The following NCS1 variants were observed in gnomAD, a reference collection of about 807,000 sequenced individuals.
The protein encoded by NCS1 is neuronal calcium sensor 1.
A neutral mutation model predicts 28.4 loss-of-function variants in NCS1; 6 were observed. The observed-to-expected ratio is 0.21, with a 90% CI of 0.12 to 0.42. The LOEUF is 0.42. Ranked by LOEUF, NCS1 falls within the 10% of genes least tolerant of loss-of-function variation. The probability of loss-of-function intolerance (pLI) is 1.00; values close to 1 mark genes in which losing one functional copy is unlikely to be tolerated. For missense variants in NCS1, 131 were observed against 241.4 expected, an observed-to-expected ratio of 0.54 and a Z score of 3.03; for synonymous variants, 86 against 99.3, an observed-to-expected ratio of 0.87 and a Z score of 0.79.
intron 1 of NCS1, among the ~76,000 whole-genome samples, chr9:130,190,914 G>C (rs569434277): frequency 6.6e-6 from 1 of 152,302 alleles, no homozygotes; most frequent in South Asian, 2.1e-4. Context: ...GGGAAACGGG[G>C]CTTTGATTTT....
At position 130,233,537 on chromosome 9, in the gene NCS1, T is replaced by A. The variant is rs931626131; in HGVS notation, c.*565T>A. ...TCTTTTGGCAGCAAAACCACCTGCG[T>A]GGCTAGGATGATTAATTATGAGGAT... On this transcript the variant is annotated 3_prime_UTR_variant, in exon 8 of 8. Coordinates refer to ENST00000372398, the MANE Select transcript of NCS1 (RefSeq NM_014286.4). The surrounding 1 kb of genome is among the most constrained non-coding windows in gnomAD (Gnocchi z 4.8). 6.6e-6 allele frequency: 1 copy of A among 152,570 alleles called. No homozygotes were observed. 9.5% of individuals were successfully genotyped at this position (152,570 alleles called of 1,614,324 possible).
intron 1 of NCS1, among the ~76,000 whole-genome samples, chr9:130,196,142 G>T (rs1832875819): frequency 6.6e-6 from 1 of 152,188 alleles, no homozygotes; most frequent in South Asian, 2.1e-4. Context: ...GCCTGTCTTG[G>T]CGGGAACTGC....
intron 1 of NCS1, among the ~76,000 whole-genome samples, chr9:130,173,233 C>T (rs899789869): frequency 2.0e-5 from 3 of 151,520 alleles, no homozygotes; most frequent in African/African-American, 7.3e-5. Context: ...GCACAGCGCT[C>T]GTCGTGCGGT....
intron 1 of NCS1, among the ~76,000 whole-genome samples, chr9:130,195,581 A>T (rs782375612): frequency 1.4e-4 from 22 of 152,062 alleles, no homozygotes; most frequent in Non-Finnish European, 3.1e-4. Context: ...GCGCCACCAC[A>T]CCCGGCTAAT....
chr9:130,227,797 C>A (rs919017358), intron 7 of NCS1, among the ~76,000 whole-genome samples: 1 of 152,332 alleles, frequency 6.6e-6, no homozygotes, highest in Admixed American at 6.5e-5. Context: ...CACAGTTAAG[C>A]TGGGTGCCTC....
In NCS1 at chr9:130,191,208, G is replaced by A. The variant is rs1273110207; in HGVS notation, c.65-9750G>A. Among the ~76,000 whole-genome samples the A allele has an allele frequency of 1.3e-5, 2 of 152,194 alleles. No homozygotes were observed. Among genetic ancestry groups the A allele is most frequent in the Non-Finnish European group, 2.9e-5 (2 of 68,026 alleles). On this transcript the variant is annotated intron_variant, in intron 1 of 7. Coordinates refer to ENST00000372398, the MANE Select transcript of NCS1 (RefSeq NM_014286.4). This position sits in a 1 kb window ranked among gnomAD's most constrained non-coding sequence, Gnocchi z 6.4. Reference sequence around the variant, plus strand: ...AGACCCATCTGTGCAAAGGCCCTGGGTGATCCCTGCTGGACTGTGTGTCCC... The same window carrying A: ...AGACCCATCTGTGCAAAGGCCCTGGATGATCCCTGCTGGACTGTGTGTCCC...
intron 1 of NCS1, chr9:130,200,528 C>T: frequency 5.2e-6 from 8 of 1,547,774 alleles, no homozygotes; most frequent in South Asian, 3.6e-5. Flanking sequence ...CCCCACCCCC[C>T]CACATAGGTG....
chr9:130,187,983 G>A (rs1832762496), intron 1 of NCS1, among the ~76,000 whole-genome samples: 1 of 152,176 alleles, frequency 6.6e-6, no homozygotes, highest in Non-Finnish European at 1.5e-5. Context: ...CTAGGGTGGG[G>A]GAGGCAGATG....
rs1235772775 is a variant in NCS1 at position 130,180,257 on chromosome 9, C to T, written c.64+7530C>T. On this transcript the variant is annotated intron_variant, in intron 1 of 7. Coordinates refer to ENST00000372398, the MANE Select transcript of NCS1 (RefSeq NM_014286.4). This position sits in a 1 kb window ranked among gnomAD's most constrained non-coding sequence, Gnocchi z 4.5. Reference sequence around the variant, plus strand: ...CCATTTTGGCCAGGTTGGTCTCAAACTCCTAGCCTCAAGTGGTGCACCCAC... The same window carrying T: ...CCATTTTGGCCAGGTTGGTCTCAAATTCCTAGCCTCAAGTGGTGCACCCAC... Among the ~76,000 whole-genome samples, 1 of 152,118 alleles carries T rather than the reference C, an allele frequency of 6.6e-6. No homozygotes were observed. Among genetic ancestry groups the T allele is most frequent in the East Asian group, 1.9e-4 (1 of 5,174 alleles).
intron 2 of NCS1, among the ~76,000 whole-genome samples, chr9:130,204,443 C>A (rs2080385677): frequency 6.6e-6 from 1 of 152,018 alleles, no homozygotes; most frequent in African/African-American, 2.4e-5. Flanking sequence ...CATTTACCAC[C>A]ATGGCTGGCT....
At chr9:130,224,373 C>A (rs1554911090) in intron 6 of NCS1, among the ~76,000 whole-genome samples, 3 of 119,820 alleles carry the variant, frequency 2.5e-5, no homozygotes, top group East Asian at 2.4e-4. Flanking sequence ...GCCTGGGCAA[C>A]AGAGTGAGAC....
intron 2 of NCS1, among the ~76,000 whole-genome samples, chr9:130,207,937 G>A (rs1159591480): frequency 2.0e-5 from 3 of 152,142 alleles, no homozygotes; most frequent in East Asian, 1.9e-4. Context: ...AGTATCCCCC[G>A]CTTCCCCATC....
chr9:130,213,858 C>T (rs111314433), intron 2 of NCS1, among the ~76,000 whole-genome samples: 2,311 of 152,202 alleles, frequency 0.015, 52 homozygotes, highest in African/African-American at 0.052. Flanking sequence ...GAATTACAGG[C>T]GTGAGCCACC....
At chr9:130,225,441 G>A (rs1554911260) in intron 6 of NCS1, among the ~76,000 whole-genome samples, 2 of 152,260 alleles carry the variant, frequency 1.3e-5, no homozygotes, top group African/African-American at 4.8e-5. Flanking sequence ...AGTTTCTCGT[G>A]GTGTGCGTCC....
intron 2 of NCS1, among the ~76,000 whole-genome samples, chr9:130,212,945 G>GGGGGTGGCT (rs1418747648): frequency 1.3e-5 from 2 of 152,160 alleles, no homozygotes; most frequent in Non-Finnish European, 2.9e-5. Flanking sequence ...GTAGAGGCCT[G>GGGGGTGGCT]GGGGTGGCTG....
chr9:130,176,139 T>TTTCTTTCTTTCTTTCC (rs1554904580), intron 1 of NCS1, among the ~76,000 whole-genome samples: 4 of 18,596 alleles, frequency 2.2e-4, no homozygotes, highest in Non-Finnish European at 4.0e-4. Context: ...ATTTGTTCAT[T>TTTCTTTCTTTCTTTCC]TTCTTTCTTT....
At chr9:130,187,299 C>A (rs1192898816) in intron 1 of NCS1, among the ~76,000 whole-genome samples, 2 of 152,152 alleles carry the variant, frequency 1.3e-5, no homozygotes, top group Admixed American at 1.3e-4. Flanking sequence ...TCGCTGCCAT[C>A]CCTGGGTCCT....
In NCS1 at chr9:130,235,783, T is replaced by G. The variant is rs377713517; in HGVS notation, c.*2811T>G. ...GCAGAATCCTGAGCCAGGTGCCTCC[T>G]GAGCAGCCCGTGCGCCTCTCCACAG... is the stretch of plus-strand genomic sequence containing the variant. On this transcript the variant is annotated 3_prime_UTR_variant, in exon 8 of 8. Coordinates refer to ENST00000372398, the MANE Select transcript of NCS1 (RefSeq NM_014286.4). 9.8e-5 allele frequency: 15 copies of G among 152,680 alleles called. No homozygotes were observed. The highest frequency in any genetic ancestry group is 9.6e-4 in the East Asian group (5 of 5,184). 9.5% of individuals were successfully genotyped at this position (152,680 alleles called of 1,614,324 possible).
intron 2 of NCS1, among the ~76,000 whole-genome samples, chr9:130,207,646 G>A (rs1482746440): frequency 1.3e-5 from 2 of 152,234 alleles, no homozygotes; most frequent in Non-Finnish European, 2.9e-5. Flanking sequence ...TAGAAGCAGA[G>A]CCTGGACTAG....
Sources: gnomAD v4.1 joint callset for allele counts (sites outside exome capture counted in the v4.1 genomes callset) on GRCh38, gnomAD v4.1.1 for gene constraint, Gnocchi (gnomAD v3.1) non-coding constraint, MANE v1.5 for transcripts, NCBI Gene and HGNC (gene_info 2026-07-23, HGNC 2026-07-21) for gene names.